MACROD2: variants seen among roughly 807,000 people sequenced by gnomAD.
MACROD2 encodes the protein mono-ADP ribosylhydrolase 2, also known as ADP-ribose glycohydrolase MACROD2.
MACROD2 carries 36 observed loss-of-function variants against 70.4 expected under a neutral mutation model. The ratio of observed to expected loss-of-function variants is 0.51; its 90% CI spans 0.39 to 0.68. MACROD2 has a LOEUF of 0.68. Among genes scored for constraint, MACROD2 ranks in the 30% least tolerant of loss-of-function variants. The pLI, the probability that MACROD2 is intolerant of heterozygous loss-of-function variation, is 0.00. For missense variants in MACROD2, 496 were observed against 538.4 expected (o/e 0.92, Z 0.78); for synonymous variants, 172 against 178.8 (o/e 0.96, Z 0.30).
chr20:14,862,041 A>ATT (rs1163770367), intron 5 of MACROD2, among the ~76,000 whole-genome samples: 9 of 11,074 alleles, frequency 8.1e-4, no homozygotes, highest in Middle Eastern at 0.05. Context: ...ATATATATTT[A>ATT]TATATATATT....
chr20:14,841,705 T>G (rs1188138929), intron 5 of MACROD2, among the ~76,000 whole-genome samples: 1 of 152,070 alleles, frequency 6.6e-6, no homozygotes, highest in Non-Finnish European at 1.5e-5. Flanking sequence ...AAAGTTAAAA[T>G]GACATTATTA....
In MACROD2 at chr20:15,628,390, C is replaced by T. The variant is rs188636833; in HGVS notation, c.645+128543C>T. Among the ~76,000 whole-genome samples, 392 of 152,228 alleles carry T rather than the reference C, an allele frequency of 2.6e-3. 2 individuals are homozygous for T. Among genetic ancestry groups the T allele is most frequent in the African/African-American group, 9.1e-3 (377 of 41,526 alleles). ...CAATCTGCTAAGTGGGACTCTGAAC[C>T]CAGGATGTCTGGCTCTATTGCTCAT... On this transcript the variant is annotated intron_variant, in intron 8 of 17. Coordinates refer to ENST00000684519, the MANE Select transcript of MACROD2 (RefSeq NM_001351661.2).
chr20:14,931,953 G>A (rs987481316), intron 5 of MACROD2, among the ~76,000 whole-genome samples: 2 of 148,890 alleles, frequency 1.3e-5, no homozygotes, highest in Non-Finnish European at 3.0e-5. Context: ...AGTGAGCTAT[G>A]AATGTACCAC....
At chr20:14,645,557 A>C (rs6042836) in intron 4 of MACROD2, among the ~76,000 whole-genome samples, 3,606 of 152,124 alleles carry the variant, frequency 0.024, 141 homozygotes, top group African/African-American at 0.083. Flanking sequence ...TTTTACTCAA[A>C]TAGATCTGTA....
At chr20:15,913,722 T>C (rs2065270037) in intron 10 of MACROD2, among the ~76,000 whole-genome samples, 1 of 152,220 alleles carries the variant, frequency 6.6e-6, no homozygotes, top group African/African-American at 2.4e-5. Flanking sequence ...ATTTCTACTA[T>C]AAAATTTCAA....
chr20:14,624,272 G>A (rs1984004169), intron 4 of MACROD2, among the ~76,000 whole-genome samples: 1 of 152,152 alleles, frequency 6.6e-6, no homozygotes. Flanking sequence ...ACGTTAAGAA[G>A]GAAACACAAC....
intron 5 of MACROD2, among the ~76,000 whole-genome samples, chr20:15,140,750 G>A (rs1038670392): frequency 1.3e-5 from 2 of 152,126 alleles, no homozygotes; most frequent in African/African-American, 4.8e-5. Context: ...TCTGCTATGC[G>A]AAAGAATCAG....
intron 5 of MACROD2, among the ~76,000 whole-genome samples, chr20:15,171,250 A>C: frequency 1.4e-5 from 2 of 144,668 alleles, no homozygotes; most frequent in African/African-American, 2.6e-5. Context: ...CCCCTCTATT[A>C]CTCCTCCATC....
At chr20:15,363,980 T>C (rs1487799749) in intron 6 of MACROD2, among the ~76,000 whole-genome samples, 1 of 152,160 alleles carries the variant, frequency 6.6e-6, no homozygotes, top group Non-Finnish European at 1.5e-5. Flanking sequence ...CTATCCACTC[T>C]TCCTTTCTTT....
intron 6 of MACROD2, among the ~76,000 whole-genome samples, chr20:15,383,040 T>G (rs1160182811): frequency 6.6e-6 from 1 of 152,226 alleles, no homozygotes; most frequent in African/African-American, 2.4e-5. Flanking sequence ...TAAAACTATA[T>G]GAAATCCTTC....
At chr20:14,329,021 C>T (rs183340543) in intron 3 of MACROD2, 1 of 152,158 alleles carries the variant, frequency 6.6e-6, no homozygotes, top group Non-Finnish European at 1.5e-5. Flanking sequence ...ATTCATGATG[C>T]TAAGGCCTGT....
chr20:15,323,324 A>AT (rs2077892487), intron 6 of MACROD2, among the ~76,000 whole-genome samples: 1 of 152,208 alleles, frequency 6.6e-6, no homozygotes, highest in Admixed American at 6.5e-5. Flanking sequence ...TTAAAGAAAA[A>AT]TAAAAACATA....
chr20:14,228,787 C>G (rs1383386281), intron 3 of MACROD2, among the ~76,000 whole-genome samples: 1 of 152,032 alleles, frequency 6.6e-6, no homozygotes, highest in Non-Finnish European at 1.5e-5. Context: ...GGGTGGTTTA[C>G]TTGAGGCCAG....
At chr20:14,493,804 T>C (rs1287819123) in intron 4 of MACROD2, 4 of 204,162 alleles carry the variant, frequency 2.0e-5, no homozygotes, top group African/African-American at 9.3e-5. Context: ...TGTGTGTGCA[T>C]AGTTACAGAG....
At chr20:14,501,771 A>T (rs774945770) in intron 4 of MACROD2, among the ~76,000 whole-genome samples, 10 of 152,296 alleles carry the variant, frequency 6.6e-5, no homozygotes, top group Non-Finnish European at 1.5e-4. Flanking sequence ...CTCTTTTCAG[A>T]TGTGGAAATA....
At chr20:14,236,515 T>A (rs1160767186) in intron 3 of MACROD2, among the ~76,000 whole-genome samples, 1 of 152,134 alleles carries the variant, frequency 6.6e-6, no homozygotes, top group Non-Finnish European at 1.5e-5. Flanking sequence ...ACCTTGCATT[T>A]AATATTTAGA....
chr20:14,271,963 G>A (rs1015964766), intron 3 of MACROD2, among the ~76,000 whole-genome samples: 7 of 152,080 alleles, frequency 4.6e-5, no homozygotes, highest in African/African-American at 9.7e-5. Flanking sequence ...AAAAAGAAAC[G>A]AACAAAGCCT....
chr20:15,380,480 A>C (rs2045628608), intron 6 of MACROD2, among the ~76,000 whole-genome samples: 1 of 151,908 alleles, frequency 6.6e-6, no homozygotes, highest in Non-Finnish European at 1.5e-5. Context: ...ATTGAATGAT[A>C]TAAACTTATA....
At chr20:14,279,940 T>G (rs2082293063) in intron 3 of MACROD2, among the ~76,000 whole-genome samples, 1 of 152,192 alleles carries the variant, frequency 6.6e-6, no homozygotes, top group African/African-American at 2.4e-5. Flanking sequence ...AAATTAAGAT[T>G]GGCTGTCAGA....
Sources: allele counts gnomAD v4.1 joint callset (sites outside exome capture counted in the v4.1 genomes callset), GRCh38; gene constraint gnomAD v4.1.1; transcripts MANE v1.5; gene names NCBI Gene and HGNC (gene_info 2026-07-23, HGNC 2026-07-21).